The following SEMA3E variants were observed in gnomAD, a reference collection of about 807,000 sequenced individuals.
SEMA3E encodes the protein semaphorin-3E.
SEMA3E carries 49 observed loss-of-function variants against 93.6 expected under a neutral mutation model. That is an observed-to-expected ratio of 0.52 (90% confidence interval 0.42 to 0.66). The LOEUF is 0.66. Ranked by LOEUF, SEMA3E falls within the 30% of genes least tolerant of loss-of-function variation. SEMA3E has a pLI of 0.00. For missense variants in SEMA3E, 906 were observed against 964.8 expected (o/e 0.94, Z 0.81); for synonymous variants, 363 against 330.7 (o/e 1.10, Z -1.06).
At chr7:83,493,473 C>T (rs1203613629) in intron 1 of SEMA3E, among the ~76,000 whole-genome samples, 1 of 151,780 alleles carries the variant, frequency 6.6e-6, no homozygotes, top group Non-Finnish European at 1.5e-5. Flanking sequence ...TCATTACATA[C>T]CATAGGTAAT....
intron 14 of SEMA3E, among the ~76,000 whole-genome samples, chr7:83,389,875 T>C (rs1456335643): frequency 1.0e-5 from 1 of 98,598 alleles, no homozygotes; most frequent in African/African-American, 3.7e-5. Flanking sequence ...ATTACATGTA[T>C]ACATATATAC....
chr7:83,551,485 A>G (rs781559755), intron 1 of SEMA3E, among the ~76,000 whole-genome samples: 1 of 152,164 alleles, frequency 6.6e-6, no homozygotes, highest in Non-Finnish European at 1.5e-5. Context: ...TGATAAATAT[A>G]AAATTCAAGA....
chr7:83,563,991 A>G (rs574453807), intron 1 of SEMA3E, among the ~76,000 whole-genome samples: 54 of 152,290 alleles, frequency 3.5e-4, no homozygotes, highest in African/African-American at 1.3e-3. Context: ...CAGCCAGTTC[A>G]ACTGATTGTG....
chr7:83,535,355 C>A (rs887678203), intron 1 of SEMA3E, among the ~76,000 whole-genome samples: 5 of 151,792 alleles, frequency 3.3e-5, no homozygotes, highest in East Asian at 1.9e-4. Context: ...AAGTAAGCAA[C>A]AAACCCATGC....
At chr7:83,559,940 T>C (rs1351960836) in intron 1 of SEMA3E, among the ~76,000 whole-genome samples, 2 of 151,956 alleles carry the variant, frequency 1.3e-5, no homozygotes, top group African/African-American at 2.4e-5. Context: ...GAATCTTAAG[T>C]GCATGTGAAA....
At chr7:83,573,452 C>G (rs1792329060) in intron 1 of SEMA3E, among the ~76,000 whole-genome samples, 1 of 151,828 alleles carries the variant, frequency 6.6e-6, no homozygotes. Flanking sequence ...TAAAAATTTT[C>G]ATAGGAAATA....
chr7:83,555,205 G>C (rs1791862571), intron 1 of SEMA3E, among the ~76,000 whole-genome samples: 1 of 152,122 alleles, frequency 6.6e-6, no homozygotes, highest in Non-Finnish European at 1.5e-5. Flanking sequence ...CCTGACCTGA[G>C]ATATAGAAGT....
intron 1 of SEMA3E, among the ~76,000 whole-genome samples, chr7:83,575,858 T>C (rs981170090): frequency 6.6e-6 from 1 of 151,888 alleles, no homozygotes; most frequent in Non-Finnish European, 1.5e-5. Flanking sequence ...ACCGTCAGAG[T>C]ATAATTGCAT....
At position 83,512,597 on chromosome 7, in the gene SEMA3E, T is replaced by G. The variant is rs535240618; in HGVS notation, c.116-22323A>C. ...TCAGATAATGATATTTCAGAGATAG[T>G]TGTGTTTAACATTAATTTGCACTTA... is the stretch of plus-strand genomic sequence containing the variant. On this transcript the variant is annotated intron_variant, in intron 1 of 16. Coordinates refer to ENST00000643230, the MANE Select transcript of SEMA3E (RefSeq NM_012431.3). 2.3e-4 allele frequency among the ~76,000 whole-genome samples: 35 copies of G among 152,328 alleles called. 1 individual carries two copies. In the South Asian group the frequency reaches 7.2e-3, roughly 32 times the overall value.
chr7:83,643,721 A>G (rs565309918), intron 1 of SEMA3E, among the ~76,000 whole-genome samples: 7 of 152,154 alleles, frequency 4.6e-5, no homozygotes, highest in African/African-American at 1.7e-4. Flanking sequence ...TCAACAAAAC[A>G]TATTGTAATT....
intron 1 of SEMA3E, among the ~76,000 whole-genome samples, chr7:83,511,316 A>G (rs1214509202): frequency 6.6e-6 from 1 of 150,732 alleles, no homozygotes. Flanking sequence ...GAAAACAGAC[A>G]TTTTAGGATG....
chr7:83,626,715 G>C (rs535549222), intron 1 of SEMA3E, among the ~76,000 whole-genome samples: 6 of 152,030 alleles, frequency 3.9e-5, no homozygotes, highest in Non-Finnish European at 8.8e-5. Context: ...CTTCAGTTCT[G>C]CTCTGAATTA....
At chr7:83,556,924 C>G (rs559279392) in intron 1 of SEMA3E, among the ~76,000 whole-genome samples, 2 of 152,088 alleles carry the variant, frequency 1.3e-5, no homozygotes, top group Non-Finnish European at 2.9e-5. Flanking sequence ...ACACAGTGTT[C>G]AAGGCACCAT....
chr7:83,548,954 C>T (rs976961454), intron 1 of SEMA3E, among the ~76,000 whole-genome samples: 13 of 152,054 alleles, frequency 8.5e-5, no homozygotes, highest in Admixed American at 2.6e-4. Context: ...AGGAAGAAGT[C>T]GAGCAACTTT....
intron 9 of SEMA3E, among the ~76,000 whole-genome samples, chr7:83,404,930 G>GGAA (rs1788299062): frequency 6.6e-6 from 1 of 151,806 alleles, no homozygotes; most frequent in Non-Finnish European, 1.5e-5. Flanking sequence ...TATAGTAATG[G>GGAA]GAACTAGCAA....
chr7:83,529,789 G>A (rs543066093), intron 1 of SEMA3E, among the ~76,000 whole-genome samples: 1 of 152,102 alleles, frequency 6.6e-6, no homozygotes, highest in Non-Finnish European at 1.5e-5. Context: ...CTCTAATTGG[G>A]TCAAGCATTT....
At chr7:83,410,412 A>G (rs1788416632) in intron 5 of SEMA3E, among the ~76,000 whole-genome samples, 1 of 152,048 alleles carries the variant, frequency 6.6e-6, no homozygotes, top group Non-Finnish European at 1.5e-5. Flanking sequence ...GGTATGATGT[A>G]AGGAAAATAA....
At chr7:83,644,688 T>C (rs1023504883) in intron 1 of SEMA3E, among the ~76,000 whole-genome samples, 1 of 151,902 alleles carries the variant, frequency 6.6e-6, no homozygotes, top group African/African-American at 2.4e-5. Flanking sequence ...AGGCCTCTGA[T>C]TTCAAATCCT....
chr7:83,596,861 G>A (rs917357807), intron 1 of SEMA3E, among the ~76,000 whole-genome samples: 2 of 151,986 alleles, frequency 1.3e-5, no homozygotes, highest in East Asian at 1.9e-4. Context: ...AAGTAATATC[G>A]CCAGGGTCAA....
Sources: allele counts gnomAD v4.1 joint callset (sites outside exome capture counted in the v4.1 genomes callset), GRCh38; gene constraint gnomAD v4.1.1; transcripts MANE v1.5; gene names NCBI Gene and HGNC (gene_info 2026-07-23, HGNC 2026-07-21).